Variants in MSH5 observed in about 807,000 individuals in gnomAD.
The protein encoded by MSH5 is mutS homolog 5.
Under a neutral mutation model 107.7 loss-of-function variants are expected in MSH5, and 78 were observed. The ratio of observed to expected loss-of-function variants is 0.72; its 90% CI spans 0.60 to 0.87. MSH5 has a LOEUF of 0.87. Ranked by LOEUF, MSH5 falls within the 40% of genes least tolerant of loss-of-function variation. MSH5 has a pLI of 0.00. For synonymous variants in MSH5, 326 were observed against 399.5 expected (o/e 0.82, Z 2.19); for missense variants, 889 against 1,046.6 (o/e 0.85, Z 2.08).
chr6:31,740,277 A>G lies in MSH5; in HGVS notation c.-13-177A>G, dbSNP rs962723000. 3.2e-5 allele frequency: 19 copies of G among 586,980 alleles called. No homozygotes were observed. The African/African-American group carries it at 3.7e-4, about 12-fold the overall frequency. The allele number at this position is 586,980 out of a possible 1,614,324, so 36.4% of individuals were successfully genotyped here. On this transcript the variant is annotated intron_variant, in intron 1 of 24. Transcript: ENST00000375750. This position sits in a 1 kb window ranked among gnomAD's most constrained non-coding sequence, Gnocchi z 4.4. Reference sequence around the variant, plus strand: ...GCGCGTGGAGTTTCCCACAATCTGTACTTTAGTTAAATACCCGAGAATTCA... The same window carrying G: ...GCGCGTGGAGTTTCCCACAATCTGTGCTTTAGTTAAATACCCGAGAATTCA...
chr6:31,760,368 C>A lies in MSH5; in HGVS notation c.1812+152C>A. The A allele has an allele frequency of 8.6e-7, 1 of 1,162,608 alleles. No individual in the cohort carries two copies. The highest frequency in any genetic ancestry group is 1.2e-6 in the Non-Finnish European group (1 of 840,584). The allele number at this position is 1,162,608 out of a possible 1,614,324, so 72.0% of individuals were successfully genotyped here. A position where few individuals can be genotyped will look rare whatever the true frequency, so the allele number is the denominator to read the frequency against. ...ATCACCCACATCCCTGTGCTTCCAC[C>A]TCACATGTTCTTATTCTCCACTGGA... is the stretch of plus-strand genomic sequence containing the variant. On this transcript the variant is annotated intron_variant, in intron 19 of 24. Transcript: ENST00000375750. This position sits in a 1 kb window ranked among gnomAD's most constrained non-coding sequence, Gnocchi z 5.6.
chr6:31,760,696 T>G lies in MSH5; in HGVS notation c.1819T>G (p.Leu607Val). The G allele has an allele frequency of 6.2e-7, 1 of 1,613,032 alleles. No individual in the cohort carries two copies. Among genetic ancestry groups the G allele is most frequent in the Non-Finnish European group, 8.5e-7 (1 of 1,180,050 alleles). The change falls in exon 20 of 25, where the codon TTG becomes GTG. Residue 607 changes from leucine to valine, a missense_variant. Physicochemically the swap from Leu to Val is conservative, Grantham distance 32. Around this residue, in one of 3 missense-constraint regions of MSH5, gnomAD observed 362 missense variants for 456.2 expected, o/e 0.79. Coordinates refer to ENST00000375750, the MANE Select transcript of MSH5 (RefSeq NM_172166.4). This position sits in a 1 kb window ranked among gnomAD's most constrained non-coding sequence, Gnocchi z 5.6. ...TGTCTCCTTCCCTATTCAGGTAGGC[T>G]TGATCACATTCATGGCCCTGGTAGG... ...GKSIYLKQVG[L>V]ITFMALVGSF... is the part of the protein sequence containing the mutation.
chr6:31,762,157 G>A lies in MSH5; in HGVS notation c.2365G>A (p.Asp789Asn), dbSNP rs772116642. ...TGGAAAACCCATCAAGCCTGTCAAG[G>A]ATTTGCTAAAGAAGAACCAAATGGA... ...RSGKPIKPVK[D>N]LLKKNQMENC... Residue 789 changes from aspartate to asparagine, a missense_variant, in exon 24 of 25, where the codon GAT (aspartate) becomes AAT (asparagine). Asp to Asn is a conservative substitution (Grantham distance 23, BLOSUM62 1). Coordinates refer to ENST00000375750, the MANE Select transcript of MSH5 (RefSeq NM_172166.4). The A allele has an allele frequency of 3.2e-5, 51 of 1,614,034 alleles. No individual in the cohort carries two copies. Among genetic ancestry groups the A allele is most frequent in the South Asian group, 2.9e-4 (26 of 91,084 alleles).
chr6:31,758,904 C>G lies in MSH5; in HGVS notation c.1326+29C>G. On this transcript the variant is annotated intron_variant, in intron 15 of 24. Coordinates refer to ENST00000375750, the MANE Select transcript of MSH5 (RefSeq NM_172166.4). This position sits in a 1 kb window ranked among gnomAD's most constrained non-coding sequence, Gnocchi z 5.1. ...AGGGCAGGAGAGTGGGTGTAGCCTT[C>G]AGATGTCTTTTGGGGGAGATATTAG... is the stretch of plus-strand genomic sequence containing the variant. 6.3e-7 allele frequency: 1 copy of G among 1,584,874 alleles called. No individual in the cohort carries two copies. The highest frequency in any genetic ancestry group is 8.7e-7 in the Non-Finnish European group (1 of 1,153,690).
In MSH5 at chr6:31,744,216, G is replaced by A. The variant is rs1562220318; in HGVS notation, c.564G>A (p.Lys188=). 1 of 1,613,766 alleles carries A rather than the reference G, an allele frequency of 6.2e-7. No homozygotes were observed. Among genetic ancestry groups the A allele is most frequent in the Non-Finnish European group, 8.5e-7 (1 of 1,179,784 alleles). The change falls in exon 7 of 25, where the codon AAG becomes AAA. Residue 188 remains lysine (K), a synonymous_variant. Transcript: ENST00000375750. ...LTVRALGGLL[K]FLGRRRIGVE... ...TTCGAGCACTTGGAGGGCTGCTGAA[G>A]TTCCTGGGTCGAAGAAGAATCGGGG...
chr6:31,753,390 A>C lies in MSH5; in HGVS notation c.902A>C (p.Asp301Ala). 6.2e-7 allele frequency: 1 copy of C among 1,614,186 alleles called. No individual in the cohort carries two copies. Among genetic ancestry groups the C allele is most frequent in the Non-Finnish European group, 8.5e-7 (1 of 1,180,024 alleles). Residue 301 changes from aspartate to alanine, a missense_variant, in exon 11 of 25, where the codon GAC becomes GCC. This residue lies in a region of MSH5 where 518 missense variants were observed against 565.0 expected (regional missense o/e 0.92). Coordinates refer to ENST00000375750, the MANE Select transcript of MSH5 (RefSeq NM_172166.4). ...IQFFLLPQNL[D>A]MAQMLHRLLG... The stretch of plus-strand genomic sequence containing the variant: ...TTTTTTCTGCTGCCCCAGAATCTGG[A>C]CATGGCTCAGATGCTGCATCGGCTC...
rs747476456 is a variant in MSH5, at chr6:31,758,138, GTCC to G, written c.1015-22_1015-20del. On this transcript the variant is annotated intron_variant, in intron 12 of 24. Transcript: ENST00000375750. The surrounding 1 kb of genome is among the most constrained non-coding windows in gnomAD (Gnocchi z 5.1). ...CCTCAACCCGAGCTGGATGTGGCCTGTCCTCCTTTTTGTGTTTCTCTCACAGAC... is the reference window on the plus strand; with the variant it reads ...CCTCAACCCGAGCTGGATGTGGCCTGTCCTTTTTGTGTTTCTCTCACAGAC... 6.2e-7 allele frequency: 1 copy of G among 1,612,772 alleles called. No individual in the cohort carries two copies. Among genetic ancestry groups the G allele is most frequent in the East Asian group, 2.2e-5 (1 of 44,890 alleles).
chr6:31,760,222 G>A lies in MSH5; in HGVS notation c.1812+6G>A. Reference sequence around the variant, plus strand: ...AGAGCATATACCTCAAACAGGTGAGGAGAAGCCCTGCAGCCTGGGCCTCTG... The same window carrying A: ...AGAGCATATACCTCAAACAGGTGAGAAGAAGCCCTGCAGCCTGGGCCTCTG... On this transcript the variant is annotated splice_donor_region_variant and intron_variant, in intron 19 of 24. Transcript: ENST00000375750. The surrounding 1 kb of genome is among the most constrained non-coding windows in gnomAD (Gnocchi z 5.6). 6.3e-7 allele frequency: 1 copy of A among 1,580,444 alleles called. No individual in the cohort carries two copies. The highest frequency in any genetic ancestry group is 8.6e-7 in the Non-Finnish European group (1 of 1,165,902).
Position 31,743,108 on chromosome 6 carries a change from C to T in MSH5, c.353C>T (p.Ala118Val). ...TAGCCTTTTCTTTCCTCCCCCACAG[C>T]CTCCCAGGAGCACAGAGAGCCTAAA... ...ENMTRFLGKL[A>V]SQEHREPKRP... The change falls in exon 5 of 25, where the codon GCC (alanine) becomes GTC (valine). Residue 118 changes from alanine (A) to valine (V), a missense_variant and splice_region_variant. Physicochemically the swap from Ala to Val is moderately conservative, Grantham distance 64 (BLOSUM62 0). This residue lies in a region of MSH5 where 518 missense variants were observed against 565.0 expected (regional missense o/e 0.92). Coordinates refer to ENST00000375750, the MANE Select transcript of MSH5 (RefSeq NM_172166.4). 6.2e-7 allele frequency: 1 copy of T among 1,613,006 alleles called. No individual in the cohort carries two copies. Among genetic ancestry groups the T allele is most frequent in the Non-Finnish European group, 8.5e-7 (1 of 1,180,008 alleles).
At chr6:31,744,065 C>G in intron 6 of MSH5, 40 bp downstream of exon 6, 1 of 1,612,400 alleles carries the variant, frequency 6.2e-7, no homozygotes, top group Non-Finnish European at 8.5e-7. Context: ...GGAGGCGGCA[C>G]AAGTGCTAGG....
Position 31,747,492 on chromosome 6 carries a change from C to T in MSH5, c.812+60C>T, listed in dbSNP as rs986957074. The T allele has an allele frequency of 1.4e-5, 21 of 1,542,084 alleles. No homozygotes were observed. The African/African-American group carries it at 2.2e-4, about 16-fold the overall frequency. Reference sequence around the variant, plus strand: ...ATGAATTCCATATGCACACTACATACTAAAGCCTACTAATGGCAGTATACA... The same window carrying T: ...ATGAATTCCATATGCACACTACATATTAAAGCCTACTAATGGCAGTATACA... On this transcript the variant is annotated intron_variant, in intron 10 of 24. Coordinates refer to ENST00000375750, the MANE Select transcript of MSH5 (RefSeq NM_172166.4).
chr6:31,745,255 G>A lies in MSH5; in HGVS notation c.702G>A (p.Lys234=). 6.2e-7 allele frequency: 1 copy of A among 1,612,942 alleles called. No individual in the cohort carries two copies. The highest frequency in any genetic ancestry group is 1.3e-5 in the African/African-American group (1 of 74,924). The change falls in exon 9 of 25, where the codon AAG becomes AAA. Residue 234 remains lysine, a synonymous_variant. Coordinates refer to ENST00000375750, the MANE Select transcript of MSH5 (RefSeq NM_172166.4). The part of the protein sequence containing the change: ...QDTYSVLQIF[K]SESHPSVYKV... ...TCGACAGTGTTCTACAGATTTTTAA[G>A]AGTGAGTCTCACCCCTCAGTGTACA...
chr6:31,754,655 G>A (rs1354616019), intron 12 of MSH5, among the ~76,000 whole-genome samples: 1 of 152,006 alleles, frequency 6.6e-6, no homozygotes, highest in Non-Finnish European at 1.5e-5. Flanking sequence ...GGGACTATAA[G>A]CCTGAGATGC....
rs980070129 is a variant in MSH5, at chr6:31,747,381, T to G, written c.767-6T>G. ...ACAAGTTCACTCCCTGCCTTATCCC[T>G]CACAGGAATCCTCAACAGATGCCAC... On this transcript the variant is annotated splice_region_variant and splice_polypyrimidine_tract_variant and intron_variant, in intron 9 of 24. Coordinates refer to ENST00000375750, the MANE Select transcript of MSH5 (RefSeq NM_172166.4). 2.5e-6 allele frequency: 4 copies of G among 1,612,910 alleles called. No homozygotes were observed. The highest frequency in any genetic ancestry group is 3.3e-5 in the Admixed American group (2 of 59,960).
At position 31,761,894 on chromosome 6, in the gene MSH5, A is replaced by G. The variant is rs758863824; in HGVS notation, c.2258A>G (p.His753Arg). The G allele has an allele frequency of 1.3e-5, 21 of 1,613,116 alleles. No individual in the cohort carries two copies. The African/African-American group carries it at 1.6e-4, about 12-fold the overall frequency. ...QVCEGVAKAS[H>R]ASHTAAQAGL... ...TGCGAAGGTGTTGCGAAGGCCAGCC[A>G]TGCCTCCCACACAGCTGCCCAGGCT... The change falls in exon 23 of 25, where the codon CAT becomes CGT. Residue 753 changes from histidine (H) to arginine (R), a missense_variant. Physicochemically the swap from His to Arg is conservative, Grantham distance 29. Around this residue, in one of 3 missense-constraint regions of MSH5, gnomAD observed 362 missense variants for 456.2 expected, o/e 0.79. Transcript: ENST00000375750. This position sits in a 1 kb window ranked among gnomAD's most constrained non-coding sequence, Gnocchi z 5.3.
chr6:31,747,790 G>A (rs1487287084), intron 10 of MSH5, among the ~76,000 whole-genome samples: 2 of 152,234 alleles, frequency 1.3e-5, no homozygotes, highest in East Asian at 3.9e-4. Flanking sequence ...TGAATCACTT[G>A]AGGTCAGGAG....
intron 10 of MSH5, among the ~76,000 whole-genome samples, chr6:31,752,471 C>T (rs1810049000): frequency 6.6e-6 from 1 of 152,002 alleles, no homozygotes; most frequent in Admixed American, 6.6e-5. Flanking sequence ...GCCTGTAATC[C>T]CAGCACTTTG....
intron 12 of MSH5, chr6:31,756,566 C>G (rs965759690): frequency 6.6e-6 from 1 of 152,170 alleles, no homozygotes; most frequent in Non-Finnish European, 1.5e-5. Context: ...AGAGAAACTT[C>G]CTTTTATGTA....
intron 4 of MSH5, 22 bp downstream of exon 4, chr6:31,742,979 G>A: frequency 6.2e-7 from 1 of 1,612,552 alleles, no homozygotes; most frequent in Non-Finnish European, 8.5e-7. Flanking sequence ...GTAAAGGATA[G>A]AGGGAAAATG....
Sources: allele counts gnomAD v4.1 joint callset (sites outside exome capture counted in the v4.1 genomes callset), GRCh38; gene constraint gnomAD v4.1.1; regional missense constraint gnomAD v4.1.1; non-coding constraint Gnocchi (gnomAD v3.1); transcripts MANE v1.5; gene names NCBI Gene and HGNC (gene_info 2026-07-23, HGNC 2026-07-21).